The following PAM variants were observed in gnomAD, a reference collection of about 807,000 sequenced individuals.
PAM encodes the protein peptidylglycine alpha-amidating monooxygenase.
Under a neutral mutation model 122.1 loss-of-function variants are expected in PAM, and 72 were observed. The ratio of observed to expected loss-of-function variants is 0.59; its 90% CI spans 0.49 to 0.72. The LOEUF is 0.72. Ranked by LOEUF, PAM falls within the 30% of genes least tolerant of loss-of-function variation. PAM has a pLI of 0.00. For missense variants in PAM, 1,106 were observed against 1,183.7 expected, an observed-to-expected ratio of 0.93 and a Z score of 0.96; for synonymous variants, 389 against 404.4, an observed-to-expected ratio of 0.96 and a Z score of 0.46.
Position 102,958,008 on chromosome 5 carries a change from C to A in PAM, c.906-1867C>A, listed in dbSNP as rs552941322. 3.9e-5 allele frequency among the ~76,000 whole-genome samples: 6 copies of A among 152,236 alleles called. No homozygotes were observed. The South Asian group carries it at 1.2e-3, about 32-fold the overall frequency. ...GAATAAACAATTTCCATTTATGCAA[C>A]AGAGAACACACTGGCCCAAGGGACC... On this transcript the variant is annotated intron_variant, in intron 12 of 25. Transcript: ENST00000438793.
intron 14 of PAM, among the ~76,000 whole-genome samples, chr5:102,961,627 AG>A (rs780857304): frequency 6.6e-6 from 1 of 151,920 alleles, no homozygotes; most frequent in Non-Finnish European, 1.5e-5. Flanking sequence ...CAAGAAAAAA[AG>A]AAATTAAGAA....
At chr5:102,845,480 C>A (rs1227880440) in intron 1 of PAM, among the ~76,000 whole-genome samples, 1 of 152,096 alleles carries the variant, frequency 6.6e-6, no homozygotes, top group East Asian at 1.9e-4. Flanking sequence ...TCACTTCCTA[C>A]ATTCATGTGT....
At chr5:102,780,111 T>C (rs1204856232) in intron 1 of PAM, among the ~76,000 whole-genome samples, 26 of 151,944 alleles carry the variant, frequency 1.7e-4, no homozygotes, top group Non-Finnish European at 1.0e-4. Flanking sequence ...CAACCCAGGA[T>C]GTGAATTATT....
intron 14 of PAM, among the ~76,000 whole-genome samples, chr5:102,971,826 TATATC>T (rs1765919875): frequency 6.6e-6 from 1 of 152,172 alleles, no homozygotes; most frequent in Non-Finnish European, 1.5e-5. Flanking sequence ...GATTCCATAT[TATATC>T]TAGTACACTA....
chr5:103,003,509 G>T (rs185611372), intron 17 of PAM, among the ~76,000 whole-genome samples: 17 of 152,212 alleles, frequency 1.1e-4, no homozygotes, highest in African/African-American at 3.9e-4. Flanking sequence ...TCATTAGCTT[G>T]ATTTAATCTC....
intron 12 of PAM, among the ~76,000 whole-genome samples, chr5:102,957,102 T>C (rs1582156673): frequency 6.6e-6 from 1 of 152,306 alleles, no homozygotes; most frequent in East Asian, 1.9e-4. Context: ...ACATAGATAT[T>C]TACCTGTCTT....
chr5:103,019,501 G>T (rs1407344216), intron 22 of PAM, among the ~76,000 whole-genome samples: 1 of 152,046 alleles, frequency 6.6e-6, no homozygotes, highest in Non-Finnish European at 1.5e-5. Flanking sequence ...CCACATGAAG[G>T]CAGATCTGCT....
At position 102,765,053 on chromosome 5, in the gene PAM, C is replaced by T. The variant is rs180783480; in HGVS notation, c.-374+9705C>T. Among the ~76,000 whole-genome samples, 399 of 152,242 alleles carry T rather than the reference C, an allele frequency of 2.6e-3. 1 individual carries two copies. The highest frequency in any genetic ancestry group is 4.1e-3 in the Non-Finnish European group (281 of 68,012). The stretch of plus-strand genomic sequence containing the variant: ...CTTCCTTCAAGAGTTATTTTTTCCA[C>T]CAGTTTCTTCTGATTTATTCCAGCT... On this transcript the variant is annotated intron_variant, in intron 1 of 25. Coordinates refer to ENST00000438793, the MANE Select transcript of PAM (RefSeq NM_001177306.2).
chr5:102,779,918 TACAC>T (rs1554059721), intron 1 of PAM, among the ~76,000 whole-genome samples: 18 of 95,646 alleles, frequency 1.9e-4, no homozygotes, highest in East Asian at 7.1e-4. Context: ...TATATATATA[TACAC>T]ACATATATAT....
intron 4 of PAM, among the ~76,000 whole-genome samples, chr5:102,906,927 G>A (rs556514810): frequency 1.3e-5 from 2 of 151,806 alleles, no homozygotes; most frequent in South Asian, 2.1e-4. Context: ...AGCTTATGCT[G>A]TTTTATCTTG....
At chr5:102,999,546 A>T (rs942412040) in intron 16 of PAM, among the ~76,000 whole-genome samples, 4 of 152,042 alleles carry the variant, frequency 2.6e-5, no homozygotes, top group African/African-American at 9.7e-5. Flanking sequence ...CCCACATTTC[A>T]CTTTCATACT....
intron 14 of PAM, among the ~76,000 whole-genome samples, chr5:102,965,339 A>G (rs1763769396): frequency 2.0e-5 from 3 of 151,724 alleles, no homozygotes; most frequent in Admixed American, 6.6e-5. Flanking sequence ...CCATTGTTTA[A>G]GCAAAGAATA....
rs77255262 is a variant in PAM, at chr5:102,974,669, G to A, written c.1483+233G>A. Reference sequence around the variant, plus strand: ...TAGTGTCTGTTCTATTGGTGAGCCAGAACTACAAGGACCAAAAAATATTTG... The same window carrying A: ...TAGTGTCTGTTCTATTGGTGAGCCAAAACTACAAGGACCAAAAAATATTTG... On this transcript the variant is annotated intron_variant, in intron 15 of 25. Transcript: ENST00000438793. 3.0e-3 allele frequency: 1,040 copies of A among 343,338 alleles called. 4 individuals carry two copies. Among genetic ancestry groups the A allele is most frequent in the Middle Eastern group, 0.021 (27 of 1,294 alleles). The allele number at this position is 343,338 out of a possible 1,614,324, so 21.3% of individuals were successfully genotyped here. A position where few individuals can be genotyped will look rare whatever the true frequency, so the allele number is the denominator to read the frequency against.
chr5:102,938,838 G>A (rs1206607667), intron 7 of PAM, among the ~76,000 whole-genome samples: 2 of 152,044 alleles, frequency 1.3e-5, no homozygotes, highest in East Asian at 3.9e-4. Context: ...AACACTAAAC[G>A]AGGTTTGTTT....
intron 1 of PAM, among the ~76,000 whole-genome samples, chr5:102,847,281 A>C (rs922536233): frequency 1.2e-4 from 18 of 152,286 alleles, no homozygotes; most frequent in African/African-American, 4.3e-4. Context: ...TCTACTAAAA[A>C]TACAAAAACT....
At chr5:102,874,900 G>A (rs1788657700) in intron 3 of PAM, among the ~76,000 whole-genome samples, 1 of 152,064 alleles carries the variant, frequency 6.6e-6, no homozygotes, top group African/African-American at 2.4e-5. Context: ...ATTAAAAGTT[G>A]AAACTAAAAG....
At chr5:102,889,105 C>G (rs1794019067) in intron 3 of PAM, among the ~76,000 whole-genome samples, 1 of 151,928 alleles carries the variant, frequency 6.6e-6, no homozygotes, top group Admixed American at 6.6e-5. Context: ...ATTTTATGTG[C>G]TGGATATTCT....
At chr5:103,027,959 A>G (rs1785450627) in intron 24 of PAM, among the ~76,000 whole-genome samples, 1 of 152,204 alleles carries the variant, frequency 6.6e-6, no homozygotes, top group Non-Finnish European at 1.5e-5. Flanking sequence ...TAATTTATCA[A>G]GACTGCACAG....
At chr5:102,997,098 C>G (rs922988262) in intron 16 of PAM, among the ~76,000 whole-genome samples, 1 of 152,178 alleles carries the variant, frequency 6.6e-6, no homozygotes, top group South Asian at 2.1e-4. Flanking sequence ...CTTAAGCAAA[C>G]ATAAAATGCC....
Sources: allele counts gnomAD v4.1 joint callset (sites outside exome capture counted in the v4.1 genomes callset), GRCh38; gene constraint gnomAD v4.1.1; transcripts MANE v1.5; gene names NCBI Gene and HGNC (gene_info 2026-07-23, HGNC 2026-07-21).